Variants in ZNF609 observed in about 807,000 individuals in gnomAD.
ZNF609 encodes zinc finger protein 609.
In ZNF609, 11 loss-of-function variants were observed where a neutral mutation model predicts 109.5. The observed-to-expected ratio is 0.10, with a 90% CI of 0.06 to 0.17. ZNF609 has a LOEUF of 0.17. Ranked by LOEUF, ZNF609 falls within the 10% of genes least tolerant of loss-of-function variation. The probability of loss-of-function intolerance (pLI) is 1.00; values close to 1 mark genes in which losing one functional copy is unlikely to be tolerated. For synonymous variants in ZNF609, 646 were observed against 662.0 expected, an observed-to-expected ratio of 0.98 and a Z score of 0.37; for missense variants, 1,559 against 1,772.4, an observed-to-expected ratio of 0.88 and a Z score of 2.16.
Position 64,674,517 on chromosome 15 carries a change from C to G in ZNF609, c.1663C>G (p.Gln555Glu). Reference sequence around the variant, plus strand: ...GAGCTGCAACGGTGCATCTGTCTCACAAAAAGGTTCCTTGTCCCCTGCCCG... The same window carrying G: ...GAGCTGCAACGGTGCATCTGTCTCAGAAAAAGGTTCCTTGTCCCCTGCCCG... ...LGSCNGASVS[Q>E]KGSLSPARSA... The change falls in exon 5 of 10, where the codon CAA becomes GAA. Residue 555 changes from glutamine (Q) to glutamate (E), a missense_variant. Around this residue, in one of 4 missense-constraint regions of ZNF609, gnomAD observed 1,204 missense variants for 1,314.1 expected, o/e 0.92. Coordinates refer to ENST00000326648, the MANE Select transcript of ZNF609 (RefSeq NM_015042.2). 6.2e-7 allele frequency: 1 copy of G among 1,614,086 alleles called. No individual in the cohort carries two copies. Among genetic ancestry groups the G allele is most frequent in the East Asian group, 2.2e-5 (1 of 44,876 alleles).
intron 3 of ZNF609, among the ~76,000 whole-genome samples, chr15:64,650,798 C>G (rs1896405502): frequency 6.6e-6 from 1 of 150,994 alleles, no homozygotes; most frequent in South Asian, 2.1e-4. Flanking sequence ...TGAGAAAAAC[C>G]TTGCAGAGTG....
rs570340957 is a variant in ZNF609 at position 64,675,167 on chromosome 15, G to T, written c.2313G>T (p.Glu771Asp). 1 of 1,614,094 alleles carries T rather than the reference G, an allele frequency of 6.2e-7. No individual in the cohort carries two copies. The highest frequency in any genetic ancestry group is 1.1e-5 in the South Asian group (1 of 91,086). ...CTTCAGGAGATGGGATGAAAATGGA[G>T]GGGCTCCTAAATGGCTCATCAGACC... ...RESSGDGMKM[E>D]GLLNGSSDPH... is the part of the protein sequence containing the mutation. Residue 771 changes from glutamate to aspartate, a missense_variant, in exon 5 of 10, where the codon GAG (glutamate) becomes GAT (aspartate). By Grantham distance (45) the Glu-to-Asp change is conservative. Around this residue, in one of 4 missense-constraint regions of ZNF609, gnomAD observed 1,204 missense variants for 1,314.1 expected, o/e 0.92. Coordinates refer to ENST00000326648, the MANE Select transcript of ZNF609 (RefSeq NM_015042.2).
chr15:64,623,617 T>A (rs1394018503), intron 3 of ZNF609, among the ~76,000 whole-genome samples: 1 of 152,182 alleles, frequency 6.6e-6, no homozygotes, highest in African/African-American at 2.4e-5. Flanking sequence ...ATGGTCTTGT[T>A]TTCAGGCATC....
chr15:64,470,431 C>T (rs1689082622), intron 1 of ZNF609: 1 of 152,152 alleles, frequency 6.6e-6, no homozygotes, highest in African/African-American at 2.4e-5. Context: ...CTGAAATACC[C>T]TCCTAAAAGA....
In ZNF609 at chr15:64,674,801, T is replaced by A. The variant is rs1243005877; in HGVS notation, c.1947T>A (p.Pro649=). The A allele has an allele frequency of 8.1e-6, 13 of 1,614,102 alleles. No homozygotes were observed. The highest frequency in any genetic ancestry group is 1.1e-5 in the Non-Finnish European group (13 of 1,179,990). Reference sequence around the variant, plus strand: ...CTAGTTTAAAACCTGAAAAGATTCCTTCCAAGAGCCTAAAGTCAGCCCGTC... The same window carrying A: ...CTAGTTTAAAACCTGAAAAGATTCCATCCAAGAGCCTAAAGTCAGCCCGTC... ...KPSSLKPEKI[P]SKSLKSARPI... Residue 649 remains proline, a synonymous_variant, in exon 5 of 10, where the codon CCT becomes CCA. Coordinates refer to ENST00000326648, the MANE Select transcript of ZNF609 (RefSeq NM_015042.2).
intron 2 of ZNF609, among the ~76,000 whole-genome samples, chr15:64,503,619 A>G (rs1893592926): frequency 6.6e-6 from 1 of 152,142 alleles, no homozygotes; most frequent in South Asian, 2.1e-4. Context: ...TTTTCCCCCA[A>G]ATCATATAAA....
In ZNF609 at chr15:64,584,942, A is replaced by G. The variant is rs193276947; in HGVS notation, c.748-37885A>G. Reference sequence around the variant, plus strand: ...ACGCCTGCCTGCTATTTTTAAAAATATAAAAAATAAATAAGGAACTAGACT... The same window carrying G: ...ACGCCTGCCTGCTATTTTTAAAAATGTAAAAAATAAATAAGGAACTAGACT... On this transcript the variant is annotated intron_variant, in intron 2 of 9. Transcript: ENST00000326648. Among the ~76,000 whole-genome samples, 678 of 151,574 alleles carry G rather than the reference A, an allele frequency of 4.5e-3. 5 individuals carry two copies. Among genetic ancestry groups the G allele is most frequent in the Admixed American group, 4.3e-3 (65 of 15,196 alleles).
chr15:64,674,722 C>A lies in ZNF609; in HGVS notation c.1868C>A (p.Ala623Asp), dbSNP rs201678172. 6.2e-7 allele frequency: 1 copy of A among 1,614,044 alleles called. No homozygotes were observed. Among genetic ancestry groups the A allele is most frequent in the Non-Finnish European group, 8.5e-7 (1 of 1,180,010 alleles). The change falls in exon 5 of 10, where the codon GCC becomes GAC. Residue 623 changes from alanine (A) to aspartate (D), a missense_variant. Ala to Asp is a moderately radical substitution (Grantham distance 126, BLOSUM62 -2). Transcript: ENST00000326648. Reference sequence around the variant, plus strand: ...GTGATGGATGAAACAAGCAATGATGCCTTTGATTCTTTAGAAAGGAAGTGT... The same window carrying A: ...GTGATGGATGAAACAAGCAATGATGACTTTGATTCTTTAGAAAGGAAGTGT... ...PSVMDETSNDAFDSLERKCME... is the reference protein window; with the variant it reads ...PSVMDETSNDDFDSLERKCME...
chr15:64,582,247 A>T (rs1397127255), intron 2 of ZNF609, among the ~76,000 whole-genome samples: 1 of 152,238 alleles, frequency 6.6e-6, no homozygotes, highest in African/African-American at 2.4e-5. Context: ...TAATTGCAAC[A>T]GACACCATTG....
At chr15:64,503,604 CCTT>C (rs1160719510) in intron 2 of ZNF609, among the ~76,000 whole-genome samples, 2 of 152,156 alleles carry the variant, frequency 1.3e-5, no homozygotes, top group African/African-American at 2.4e-5. Flanking sequence ...AGGTGAGACT[CCTT>C]CTTTTCCCCC....
intron 2 of ZNF609, among the ~76,000 whole-genome samples, chr15:64,577,807 A>C (rs2140422813): frequency 6.6e-6 from 1 of 151,266 alleles, no homozygotes; most frequent in East Asian, 1.9e-4. Context: ...TTCAGTGAGC[A>C]GAGATCGCAC....
chr15:64,642,143 C>T (rs1205357542), intron 3 of ZNF609, among the ~76,000 whole-genome samples: 2 of 152,144 alleles, frequency 1.3e-5, no homozygotes, highest in South Asian at 4.1e-4. Context: ...ATTTGCATTG[C>T]AGCAACAAAT....
At chr15:64,566,974 A>C (rs1158110531) in intron 2 of ZNF609, among the ~76,000 whole-genome samples, 1 of 152,174 alleles carries the variant, frequency 6.6e-6, no homozygotes, top group African/African-American at 2.4e-5. Context: ...TGTGATAAGC[A>C]TTGGGAAATC....
intron 1 of ZNF609, among the ~76,000 whole-genome samples, chr15:64,469,427 CAA>C (rs34210041): frequency 0.069 from 5,050 of 72,950 alleles, 167 homozygotes; most frequent in African/African-American, 0.21. Context: ...ACCCTATTTC[CAA>C]AAAAAAAAAA....
At chr15:64,627,474 T>C (rs926505901) in intron 3 of ZNF609, among the ~76,000 whole-genome samples, 1 of 151,996 alleles carries the variant, frequency 6.6e-6, no homozygotes, top group African/African-American at 2.4e-5. Flanking sequence ...CAAATGTGCT[T>C]TATGGAAGAA....
chr15:64,665,767 G>A (rs1024498166), intron 3 of ZNF609, among the ~76,000 whole-genome samples: 15 of 152,000 alleles, frequency 9.9e-5, no homozygotes, highest in South Asian at 2.1e-4. Context: ...TTAGCTGGGC[G>A]TGGTGGTACA....
chr15:64,556,275 C>T (rs955219924), intron 2 of ZNF609, among the ~76,000 whole-genome samples: 6 of 151,862 alleles, frequency 4.0e-5, no homozygotes, highest in South Asian at 2.1e-4. Flanking sequence ...GGAGTACAGG[C>T]GTGAGCCACT....
At chr15:64,598,271 C>T (rs779606541) in intron 2 of ZNF609, among the ~76,000 whole-genome samples, 2 of 152,104 alleles carry the variant, frequency 1.3e-5, no homozygotes, top group South Asian at 2.1e-4. Flanking sequence ...TGCACCACCA[C>T]GCCTGGCTAA....
intron 2 of ZNF609, among the ~76,000 whole-genome samples, chr15:64,575,868 C>T (rs541702775): frequency 2.6e-5 from 4 of 151,890 alleles, no homozygotes; most frequent in African/African-American, 4.8e-5. Context: ...TTTGGGAGGC[C>T]GAGGCAGGTG....
Sources: gnomAD v4.1 joint callset for allele counts (sites outside exome capture counted in the v4.1 genomes callset) on GRCh38, gnomAD v4.1.1 for gene constraint, gnomAD v4.1.1 regional missense constraint, MANE v1.5 for transcripts, NCBI Gene and HGNC (gene_info 2026-07-23, HGNC 2026-07-21) for gene names.